Variants in FAM81B observed in about 807,000 individuals in gnomAD.
The protein encoded by FAM81B is protein FAM81B.
A neutral mutation model predicts 58.7 loss-of-function variants in FAM81B; 60 were observed. The ratio of observed to expected loss-of-function variants is 1.02; its 90% CI spans 0.83 to 1.27. The LOEUF (loss-of-function observed/expected upper bound fraction) is 1.27, where lower values mean the gene tolerates loss of function less well. Ranked by LOEUF, FAM81B falls within the 50% of genes most tolerant of loss-of-function variation. The pLI, the probability that FAM81B is intolerant of heterozygous loss-of-function variation, is 0.00. For missense variants in FAM81B, 491 were observed against 522.0 expected, an observed-to-expected ratio of 0.94 and a Z score of 0.58; for synonymous variants, 189 against 179.6, an observed-to-expected ratio of 1.05 and a Z score of -0.42.
chr5:95,420,647 T>C (rs77294262), intron 5 of FAM81B, among the ~76,000 whole-genome samples: 40,076 of 152,114 alleles, frequency 0.26, 6,434 homozygotes, highest in African/African-American at 0.45. Context: ...GTTCTGTCTT[T>C]GCAGCCTCAA....
intron 5 of FAM81B, among the ~76,000 whole-genome samples, chr5:95,426,559 A>G (rs1423966012): frequency 6.6e-6 from 1 of 152,180 alleles, no homozygotes; most frequent in African/African-American, 2.4e-5. Flanking sequence ...ATAACCTACA[A>G]AGTAACACTA....
In FAM81B at chr5:95,414,121, C is replaced by T. The variant is rs1762475925; in HGVS notation, c.468C>T (p.Ala156=). The part of the protein sequence containing the change: ...THGFRKEESL[A]RKLLESHIQT... The stretch of plus-strand genomic sequence containing the variant: ...GCTTTCGAAAAGAGGAATCGCTCGC[C>T]AGGAAGTTACTGGAAAGCCACATCC... The change falls in exon 4 of 10, where the codon GCC becomes GCT. Residue 156 remains alanine, a synonymous_variant. Coordinates refer to ENST00000283357, the MANE Select transcript of FAM81B (RefSeq NM_152548.3). 1 of 1,613,960 alleles carries T rather than the reference C, an allele frequency of 6.2e-7. No individual in the cohort carries two copies. Among genetic ancestry groups the T allele is most frequent in the African/African-American group, 1.3e-5 (1 of 74,890 alleles).
At chr5:95,403,917 A>G (rs1272219451) in intron 3 of FAM81B, among the ~76,000 whole-genome samples, 1 of 152,124 alleles carries the variant, frequency 6.6e-6, no homozygotes, top group Non-Finnish European at 1.5e-5. Flanking sequence ...GACATGGGGG[A>G]CAGGAAGGAT....
intron 5 of FAM81B, among the ~76,000 whole-genome samples, chr5:95,422,174 A>G (rs9314139): frequency 0.21 from 31,240 of 151,902 alleles, 3,332 homozygotes; most frequent in African/African-American, 0.25. Flanking sequence ...CTGGAGTGTG[A>G]CTTCATTTCT....
intron 6 of FAM81B, among the ~76,000 whole-genome samples, chr5:95,429,527 T>A (rs1156646852): frequency 2.0e-5 from 3 of 152,210 alleles, no homozygotes; most frequent in African/African-American, 7.2e-5. Context: ...CGCCAGTTAA[T>A]CCAGAGCAGG....
At chr5:95,426,330 C>G (rs902787765) in intron 5 of FAM81B, among the ~76,000 whole-genome samples, 3 of 151,868 alleles carry the variant, frequency 2.0e-5, no homozygotes, top group Non-Finnish European at 4.4e-5. Flanking sequence ...CAGAGGAACT[C>G]CTTTTGGAAT....
intron 7 of FAM81B, among the ~76,000 whole-genome samples, chr5:95,445,487 T>G (rs1745521628): frequency 6.6e-6 from 1 of 152,102 alleles, no homozygotes; most frequent in Non-Finnish European, 1.5e-5. Context: ...CCTCAAACCC[T>G]CGGCCACTCT....
At chr5:95,446,935 A>C (rs1745592161) in intron 8 of FAM81B, among the ~76,000 whole-genome samples, 1 of 145,958 alleles carries the variant, frequency 6.9e-6, no homozygotes, top group African/African-American at 2.7e-5. Flanking sequence ...AAAGAATCTG[A>C]AGAGGTTTTT....
At chr5:95,449,595 A>C (rs1350919276) in intron 9 of FAM81B, among the ~76,000 whole-genome samples, 1 of 152,204 alleles carries the variant, frequency 6.6e-6, no homozygotes, top group Non-Finnish European at 1.5e-5. Context: ...GACTCTGTGA[A>C]AGGCCCCAGT....
intron 3 of FAM81B, among the ~76,000 whole-genome samples, chr5:95,402,396 A>G (rs1279153893): frequency 6.6e-6 from 1 of 152,238 alleles, no homozygotes; most frequent in Non-Finnish European, 1.5e-5. Context: ...ATTAAACCTT[A>G]AGAATTAGCA....
At chr5:95,391,769 T>C (rs1400108250) in intron 1 of FAM81B, among the ~76,000 whole-genome samples, 2 of 152,178 alleles carry the variant, frequency 1.3e-5, no homozygotes, top group Non-Finnish European at 2.9e-5. Flanking sequence ...TCATCACTTG[T>C]CATTACAGAA....
In FAM81B at chr5:95,392,879, C is replaced by T; in HGVS notation, c.210C>T (p.Asp70=). The change falls in exon 2 of 10, where the codon GAC becomes GAT. Residue 70 remains aspartate (D), a synonymous_variant. Coordinates refer to ENST00000283357, the MANE Select transcript of FAM81B (RefSeq NM_152548.3). ...VEPDGPLPGS[D]NNQEKKVRLS... is the part of the protein sequence containing the mutation. ...CTGATGGCCCCCTTCCTGGCTCAGA[C>T]AATAACCAAGAAAAGAAAGCAAGTA... 6.2e-7 allele frequency: 1 copy of T among 1,608,368 alleles called. No individual in the cohort carries two copies. The highest frequency in any genetic ancestry group is 8.5e-7 in the Non-Finnish European group (1 of 1,178,080).
intron 4 of FAM81B, 57 bp downstream of exon 4, chr5:95,414,247 A>G: frequency 1.3e-6 from 2 of 1,533,272 alleles, no homozygotes; most frequent in Non-Finnish European, 1.8e-6. Flanking sequence ...GCATTGCTTG[A>G]TAAAGATTAT....
chr5:95,450,420 A>G lies in FAM81B; in HGVS notation c.*138A>G, dbSNP rs1175402248. On this transcript the variant is annotated 3_prime_UTR_variant, in exon 10 of 10. Transcript: ENST00000283357. ...AAGGAGACGAATGTACCAGAAAAATAATAAAGCAAAGAAGCTTCGGATGTC... is the reference window on the plus strand; with the variant it reads ...AAGGAGACGAATGTACCAGAAAAATGATAAAGCAAAGAAGCTTCGGATGTC... 6.3e-6 allele frequency: 9 copies of G among 1,419,872 alleles called. No individual in the cohort carries two copies. The highest frequency in any genetic ancestry group is 8.5e-6 in the Non-Finnish European group (9 of 1,064,536). The allele number at this position is 1,419,872 out of a possible 1,614,324, so 88.0% of individuals were successfully genotyped here.
intron 2 of FAM81B, 140 bp downstream of exon 2, chr5:95,393,037 C>A: frequency 1.5e-6 from 1 of 677,046 alleles, no homozygotes; most frequent in Non-Finnish European, 2.3e-6. Flanking sequence ...GGCAAAATGG[C>A]TGCTGAAAAC....
At chr5:95,421,088 G>A (rs1371880582) in intron 5 of FAM81B, among the ~76,000 whole-genome samples, 2 of 152,074 alleles carry the variant, frequency 1.3e-5, no homozygotes, top group African/African-American at 4.8e-5. Flanking sequence ...GCTCTCTTAG[G>A]GTATTTACCC....
chr5:95,423,303 C>T (rs781470211), intron 5 of FAM81B, among the ~76,000 whole-genome samples: 1 of 152,082 alleles, frequency 6.6e-6, no homozygotes, highest in Non-Finnish European at 1.5e-5. Context: ...GATGAGGCTC[C>T]CAAAGTTGCC....
chr5:95,392,427 A>T (rs1761849474), intron 1 of FAM81B, among the ~76,000 whole-genome samples: 1 of 152,106 alleles, frequency 6.6e-6, no homozygotes, highest in Admixed American at 6.6e-5. Context: ...GGTGCAGCAA[A>T]CCACCATGGC....
At chr5:95,435,956 G>A (rs950175351) in intron 6 of FAM81B, among the ~76,000 whole-genome samples, 3 of 151,932 alleles carry the variant, frequency 2.0e-5, no homozygotes, top group Admixed American at 6.6e-5. Context: ...AAATCCTTCC[G>A]TTACTCCCCT....
Sources: allele counts gnomAD v4.1 joint callset (sites outside exome capture counted in the v4.1 genomes callset), GRCh38; gene constraint gnomAD v4.1.1; transcripts MANE v1.5; gene names NCBI Gene and HGNC (gene_info 2026-07-23, HGNC 2026-07-21).